DPP6: variants seen among roughly 807,000 people sequenced by gnomAD.
DPP6 encodes the protein A-type potassium channel modulatory protein DPP6.
Under a neutral mutation model 122.6 loss-of-function variants are expected in DPP6, and 69 were observed. The ratio of observed to expected loss-of-function variants is 0.56; its 90% CI spans 0.46 to 0.69. The LOEUF (loss-of-function observed/expected upper bound fraction) is 0.69. Among genes scored for constraint, DPP6 ranks in the 30% least tolerant of loss-of-function variants. The pLI, the probability that DPP6 is intolerant of heterozygous loss-of-function variation, is 0.00. For synonymous variants in DPP6, 418 were observed against 433.1 expected (o/e 0.97, Z 0.43); for missense variants, 928 against 1,116.9 (o/e 0.83, Z 2.41).
the DPP6 span, among the ~76,000 whole-genome samples, chr7:153,760,040 G>A: frequency 6.6e-6 from 1 of 151,944 alleles, no homozygotes; most frequent in South Asian, 2.1e-4. Flanking sequence ...GGTTTCAAGT[G>A]CATGTATATT....
At chr7:153,805,688 T>A in the DPP6 span, among the ~76,000 whole-genome samples, 1 of 152,152 alleles carries the variant, frequency 6.6e-6, no homozygotes, top group African/African-American at 2.4e-5. Flanking sequence ...AATCATAAGT[T>A]CATGTCCTTT....
At chr7:154,319,208 C>T (rs1274793941) in intron 1 of DPP6, among the ~76,000 whole-genome samples, 1 of 151,084 alleles carries the variant, frequency 6.6e-6, no homozygotes, top group East Asian at 2.0e-4. Context: ...CATGTACAAA[C>T]ACAAAGACCA....
chr7:154,779,842 A>G (rs566780001), intron 10 of DPP6, among the ~76,000 whole-genome samples: 63 of 152,312 alleles, frequency 4.1e-4, no homozygotes, highest in Non-Finnish European at 4.7e-4. Flanking sequence ...TGAGTCTGCC[A>G]TCTTACCTAA....
At chr7:153,975,577 A>T (rs1796262138) in intron 1 of DPP6, among the ~76,000 whole-genome samples, 1 of 151,742 alleles carries the variant, frequency 6.6e-6, no homozygotes, top group African/African-American at 2.4e-5. Context: ...CTGCAATGAG[A>T]GTTCTATTTT....
At chr7:154,575,532 T>C (rs1013528190) in intron 5 of DPP6, among the ~76,000 whole-genome samples, 34 of 136,482 alleles carry the variant, frequency 2.5e-4, no homozygotes, top group Non-Finnish European at 4.5e-4. Context: ...ATGTGCGTAG[T>C]GTATGTGGTG....
At chr7:154,058,453 C>G (rs965289345) in intron 1 of DPP6, 2 of 143,096 alleles carry the variant, frequency 1.4e-5, no homozygotes, top group African/African-American at 5.3e-5. Context: ...TCTTCCGCAC[C>G]TGGCTGTTGG....
At chr7:154,497,494 A>G (rs988694043) in intron 3 of DPP6, among the ~76,000 whole-genome samples, 1 of 152,046 alleles carries the variant, frequency 6.6e-6, no homozygotes, top group Non-Finnish European at 1.5e-5. Flanking sequence ...CTGTAATCCC[A>G]GCTACTTGGG....
At chr7:153,938,562 C>T (rs1002075856) in intron 1 of DPP6, among the ~76,000 whole-genome samples, 12 of 152,142 alleles carry the variant, frequency 7.9e-5, no homozygotes, top group Non-Finnish European at 1.6e-4. Flanking sequence ...AGAAAACAGC[C>T]GAGTCAAGAT....
intron 3 of DPP6, among the ~76,000 whole-genome samples, chr7:154,480,339 C>T (rs1413262073): frequency 6.6e-6 from 1 of 152,146 alleles, no homozygotes; most frequent in Non-Finnish European, 1.5e-5. Context: ...AAATCCACTC[C>T]CGTTAGGCTA....
intron 1 of DPP6, among the ~76,000 whole-genome samples, chr7:153,889,373 C>T (rs1342775095): frequency 1.3e-5 from 2 of 152,198 alleles, no homozygotes; most frequent in Non-Finnish European, 1.5e-5. Flanking sequence ...TGCCCAACCA[C>T]ATCCATCATT....
In DPP6 at chr7:154,760,348, G is replaced by A. The variant is rs182945262; in HGVS notation, c.884-9069G>A. On this transcript the variant is annotated intron_variant, in intron 8 of 25. Transcript: ENST00000377770. The surrounding 1 kb of genome is among the most constrained non-coding windows in gnomAD (Gnocchi z 4.5). ...ATGGGCTGTGTGTGCAAATTCAGGG[G>A]GGTGGGGTGGAGGAAATTCAGTCCA... is the stretch of plus-strand genomic sequence containing the variant. Among the ~76,000 whole-genome samples the A allele has an allele frequency of 3.9e-5, 6 of 152,200 alleles. No individual in the cohort carries two copies. The highest frequency in any genetic ancestry group is 9.6e-5 in the African/African-American group (4 of 41,534).
intron 1 of DPP6, among the ~76,000 whole-genome samples, chr7:154,249,346 A>G (rs73489309): frequency 0.046 from 6,953 of 152,322 alleles, 460 homozygotes; most frequent in African/African-American, 0.15. Flanking sequence ...TTAATTTTAT[A>G]GCGAATGAAA....
intron 3 of DPP6, among the ~76,000 whole-genome samples, chr7:154,524,567 C>T (rs1342231592): frequency 5.9e-5 from 9 of 152,156 alleles, no homozygotes; most frequent in Non-Finnish European, 1.5e-5. Flanking sequence ...TGGAGCAACT[C>T]GGTTTGTTCT....
intron 8 of DPP6, among the ~76,000 whole-genome samples, chr7:154,743,217 A>T (rs2131420298): frequency 6.6e-6 from 1 of 152,172 alleles, no homozygotes; most frequent in African/African-American, 2.4e-5. Flanking sequence ...GGGCCTTTAG[A>T]TAGAGTACTT....
intron 7 of DPP6, among the ~76,000 whole-genome samples, chr7:154,724,641 A>G (rs762777068): frequency 3.3e-5 from 5 of 152,104 alleles, no homozygotes; most frequent in Admixed American, 6.5e-5. Context: ...CAGACCCTCC[A>G]GGAGCTGGCT....
At chr7:154,346,769 G>A (rs545375027) in intron 1 of DPP6, among the ~76,000 whole-genome samples, 1 of 152,302 alleles carries the variant, frequency 6.6e-6, no homozygotes, top group South Asian at 2.1e-4. Flanking sequence ...GAGCTTTCCT[G>A]TGCCTTCCAT....
At chr7:154,831,471 ATTC>A (rs778319225) in intron 16 of DPP6, among the ~76,000 whole-genome samples, 2 of 152,190 alleles carry the variant, frequency 1.3e-5, no homozygotes, top group African/African-American at 2.4e-5. Flanking sequence ...AAGGATGTTG[ATTC>A]TTCTTAAGAA....
chr7:154,515,056 A>C (rs1826378214), intron 3 of DPP6, among the ~76,000 whole-genome samples: 1 of 152,242 alleles, frequency 6.6e-6, no homozygotes, highest in Non-Finnish European at 1.5e-5. Context: ...TTTGACACTC[A>C]AGAAATTAGG....
At chr7:153,903,423 A>G (rs1389488461) in intron 1 of DPP6, among the ~76,000 whole-genome samples, 3 of 152,224 alleles carry the variant, frequency 2.0e-5, no homozygotes, top group Non-Finnish European at 4.4e-5. Flanking sequence ...ACAACCCTGG[A>G]TGAAGGTACT....
Sources: gnomAD v4.1 joint callset for allele counts (sites outside exome capture counted in the v4.1 genomes callset) on GRCh38, gnomAD v4.1.1 for gene constraint, Gnocchi (gnomAD v3.1) non-coding constraint, MANE v1.5 for transcripts, NCBI Gene and HGNC (gene_info 2026-07-23, HGNC 2026-07-21) for gene names.